Variants in MKKS observed in about 807,000 individuals in gnomAD.
MKKS encodes MKKS centrosomal shuttling protein.
MKKS carries 29 observed loss-of-function variants against 33.2 expected under a neutral mutation model. The ratio of observed to expected loss-of-function variants is 0.87; its 90% CI spans 0.65 to 1.19. The LOEUF is 1.19. MKKS is among the 50% of genes most tolerant of loss of function. MKKS has a pLI of 0.00. For missense variants in MKKS, 661 were observed against 662.3 expected, an observed-to-expected ratio of 1.00 and a Z score of 0.02; for synonymous variants, 260 against 244.0, an observed-to-expected ratio of 1.07 and a Z score of -0.61.
intron 1 of MKKS, among the ~76,000 whole-genome samples, chr20:10,422,522 T>A (rs1252507255): frequency 3.3e-5 from 5 of 152,138 alleles, no homozygotes; most frequent in Non-Finnish European, 5.9e-5. Flanking sequence ...TATTAAGGGC[T>A]ACTTACTTAT....
Position 10,412,804 on chromosome 20 carries a change from A to G in MKKS, c.711T>C (p.Thr237=), listed in dbSNP as rs1245094074. The G allele has an allele frequency of 6.2e-7, 1 of 1,614,226 alleles. No individual in the cohort carries two copies. Among genetic ancestry groups the G allele is most frequent in the East Asian group, 2.2e-5 (1 of 44,884 alleles). Residue 237 remains threonine (T), a synonymous_variant, in exon 3 of 6, where the codon ACT becomes ACC. Transcript: ENST00000347364. ...TACAAAAGAGTGCCACCTTGAGGGCAGTTGATTTTTTGATAGGTAATAGCC... is the reference window on the plus strand; with the variant it reads ...TACAAAAGAGTGCCACCTTGAGGGCGGTTGATTTTTTGATAGGTAATAGCC... ...LMRLLPIKKS[T]ALKVALFCTT... is the part of the protein sequence containing the mutation.
chr20:10,420,046 G>A (rs1382480723), intron 2 of MKKS, among the ~76,000 whole-genome samples: 3 of 152,014 alleles, frequency 2.0e-5, no homozygotes, highest in Admixed American at 6.6e-5. Flanking sequence ...TGGAATTATG[G>A]ATAAGGGACT....
At chr20:10,428,614 G>T (rs961734374) in intron 1 of MKKS, among the ~76,000 whole-genome samples, 5 of 152,164 alleles carry the variant, frequency 3.3e-5, no homozygotes, top group African/African-American at 1.2e-4. Flanking sequence ...TGAGGAAGGT[G>T]GATCACTTGA....
chr20:10,412,847 G>C lies in MKKS; in HGVS notation c.668C>G (p.Ser223Ter), dbSNP rs1463587370. 1 of 1,613,996 alleles carries C rather than the reference G, an allele frequency of 6.2e-7. No homozygotes were observed. Among genetic ancestry groups the C allele is most frequent in the Admixed American group, 1.7e-5 (1 of 60,008 alleles). Residue 223 changes from serine to a stop codon, truncating the protein, a stop_gained, in exon 3 of 6, where the codon TCA (serine) becomes TGA (stop). Coordinates refer to ENST00000347364, the MANE Select transcript of MKKS (RefSeq NM_170784.3). LOFTEE classifies it high-confidence loss of function. ...TVLPGILIEM[S>*]EVQLMRLLPI... Reference sequence around the variant, plus strand: ...TAATAGCCTCATTAATTGAACTTCTGACATTTCAATGAGTATCCCAGGTAA... The same window carrying C: ...TAATAGCCTCATTAATTGAACTTCTCACATTTCAATGAGTATCCCAGGTAA...
rs1029033782 is a variant in MKKS at position 10,404,402 on chromosome 20, C to T, written c.*845G>A. 1.3e-5 allele frequency: 2 copies of T among 151,284 alleles called. No individual in the cohort carries two copies. Among genetic ancestry groups the T allele is most frequent in the African/African-American group, 4.9e-5 (2 of 41,080 alleles). 9.4% of individuals were successfully genotyped at this position (151,284 alleles called of 1,614,324 possible). On this transcript the variant is annotated 3_prime_UTR_variant, in exon 6 of 6. Coordinates refer to ENST00000347364, the MANE Select transcript of MKKS (RefSeq NM_170784.3). ...CTGGAAACATTTTTGGTTGTCACAACAGGAGGGTGCTACTGGCATCTAGTG... is the reference window on the plus strand; with the variant it reads ...CTGGAAACATTTTTGGTTGTCACAATAGGAGGGTGCTACTGGCATCTAGTG...
rs1468876013 is a variant in MKKS at position 10,403,924 on chromosome 20, T to G, written c.*1323A>C. 1 of 152,230 alleles carries G rather than the reference T, an allele frequency of 6.6e-6. No individual in the cohort carries two copies. The highest frequency in any genetic ancestry group is 2.4e-5 in the African/African-American group (1 of 41,472). 9.4% of individuals were successfully genotyped at this position (152,230 alleles called of 1,614,324 possible). A position where few individuals can be genotyped will look rare whatever the true frequency, so the allele number is the denominator to read the frequency against. On this transcript the variant is annotated 3_prime_UTR_variant, in exon 6 of 6. Transcript: ENST00000347364. ...GCTAGTTTTTTCCTTTGGCTCAGAG[T>G]AAAAATTCTTTTTGATTACAAGAAT...
rs373411205 is a variant in MKKS, at chr20:10,422,962, C to T, written c.-648-2204G>A. On this transcript the variant is annotated intron_variant, in intron 1 of 5. Transcript: ENST00000347364. ...TCCTGACCTTGCGATCCGCTCGCCT[C>T]GGCCTCCCAAAGTGCTGGGATTACA... Among the ~76,000 whole-genome samples, 235 of 152,208 alleles carry T rather than the reference C, an allele frequency of 1.5e-3. 7 individuals are homozygous for T. The South Asian group carries it at 0.043, about 28-fold the overall frequency.
chr20:10,410,810 C>T (rs1489344971), intron 3 of MKKS, among the ~76,000 whole-genome samples: 1 of 152,064 alleles, frequency 6.6e-6, no homozygotes, highest in Non-Finnish European at 1.5e-5. Context: ...CTTCATCTAC[C>T]TAAAAGTTTA....
At chr20:10,433,212 G>C (rs1327031862) in intron 1 of MKKS, among the ~76,000 whole-genome samples, 1 of 152,226 alleles carries the variant, frequency 6.6e-6, no homozygotes, top group Admixed American at 6.5e-5. Flanking sequence ...CGCCACGTTG[G>C]CCTGGCTGGC....
intron 5 of MKKS, among the ~76,000 whole-genome samples, chr20:10,406,742 T>C (rs2064846613): frequency 6.8e-6 from 1 of 147,774 alleles, no homozygotes; most frequent in African/African-American, 2.5e-5. Context: ...TCTAAAAAAC[T>C]TTCTCTAGTT....
intron 2 of MKKS, among the ~76,000 whole-genome samples, chr20:10,416,323 G>A (rs2064938783): frequency 6.6e-6 from 1 of 151,662 alleles, no homozygotes; most frequent in South Asian, 2.1e-4. Context: ...ATGATTATAG[G>A]TATGAGGTAA....
chr20:10,429,886 G>A (rs6077784), intron 1 of MKKS, among the ~76,000 whole-genome samples: 72,737 of 151,976 alleles, frequency 0.48, 18,283 homozygotes, highest in Non-Finnish European at 0.56. Context: ...CTGACCTACT[G>A]AGTCAGAAAC....
rs533171103 is a variant in MKKS at position 10,414,265 on chromosome 20, C to CTTTTTT, written c.-417-340_-417-335dup. On this transcript the variant is annotated intron_variant, in intron 2 of 5. Transcript: ENST00000347364. ...AAAACAGAGAATTAGGTCTCTGAGTCTTTTTTTTTTTTTTTTTGAGATGGA... is the reference window on the plus strand; with the variant it reads ...AAAACAGAGAATTAGGTCTCTGAGTCTTTTTTTTTTTTTTTTTTTTTTTGAGATGGA... Among the ~76,000 whole-genome samples the CTTTTTT allele has an allele frequency of 1.7e-4, 22 of 132,348 alleles. 1 individual carries two copies. The highest frequency in any genetic ancestry group is 4.8e-4 in the African/African-American group (17 of 35,366). The allele number at this position is 132,348 out of a possible 152,430, so 86.8% of individuals were successfully genotyped here.
intron 1 of MKKS, among the ~76,000 whole-genome samples, chr20:10,423,625 G>A (rs111260343): frequency 2.2e-4 from 34 of 152,298 alleles, no homozygotes; most frequent in African/African-American, 7.5e-4. Context: ...TTTGAGAAGA[G>A]TGAAAATTAT....
rs6133909 is a variant in MKKS, at chr20:10,408,570, T to C, written c.1161+58A>G. ...TACGAAAAAAAAATCATAATAACTATTGAGTGACTAATTCCTCCCTCAGCC... is the reference window on the plus strand; with the variant it reads ...TACGAAAAAAAAATCATAATAACTACTGAGTGACTAATTCCTCCCTCAGCC... On this transcript the variant is annotated intron_variant, in intron 4 of 5. Transcript: ENST00000347364. 197,329 of 1,550,474 alleles carry C rather than the reference T, an allele frequency of 0.13. 14,052 individuals are homozygous for C. The highest frequency in any genetic ancestry group is 0.24 in the East Asian group (10,898 of 44,560).
chr20:10,405,807 T>G, intron 5 of MKKS, 120 bp from the exon 6 acceptor site: 4 of 1,057,432 alleles, frequency 3.8e-6, no homozygotes, highest in South Asian at 1.4e-5. Context: ...TTCATTTAAT[T>G]TGGGGTCTGG....
Position 10,427,889 on chromosome 20 carries a change from G to C in MKKS, c.-649+6219C>G, listed in dbSNP as rs1230113830. 2.0e-5 allele frequency among the ~76,000 whole-genome samples: 3 copies of C among 152,146 alleles called. No individual in the cohort carries two copies. In the East Asian group the frequency reaches 5.8e-4, roughly 29 times the overall value. ...CCACCTTCCCCACCAAACCATTCAAGGTCAGCTTGACCTATATCCAAGAGC... is the reference window on the plus strand; with the variant it reads ...CCACCTTCCCCACCAAACCATTCAACGTCAGCTTGACCTATATCCAAGAGC... On this transcript the variant is annotated intron_variant, in intron 1 of 5. Coordinates refer to ENST00000347364, the MANE Select transcript of MKKS (RefSeq NM_170784.3).
In MKKS at chr20:10,429,878, G is replaced by A. The variant is rs572692243; in HGVS notation, c.-649+4230C>T. 1.1e-4 allele frequency among the ~76,000 whole-genome samples: 17 copies of A among 152,248 alleles called. No individual in the cohort carries two copies. The East Asian group carries it at 3.1e-3, about 28-fold the overall frequency. On this transcript the variant is annotated intron_variant, in intron 1 of 5. Transcript: ENST00000347364. ...TGCAAATTATCAAGCTGCCCCTCCTGACCTACTGAGTCAGAAACTCTAGGG... is the reference window on the plus strand; with the variant it reads ...TGCAAATTATCAAGCTGCCCCTCCTAACCTACTGAGTCAGAAACTCTAGGG...
intron 1 of MKKS, among the ~76,000 whole-genome samples, chr20:10,423,480 T>C (rs189410396): frequency 2.0e-5 from 3 of 152,278 alleles, no homozygotes; most frequent in East Asian, 1.9e-4. Context: ...AATAATAAAA[T>C]TGAGATTTGT....
Sources: gnomAD v4.1 joint callset for allele counts (sites outside exome capture counted in the v4.1 genomes callset) on GRCh38, gnomAD v4.1.1 for gene constraint, MANE v1.5 for transcripts, NCBI Gene and HGNC (gene_info 2026-07-23, HGNC 2026-07-21) for gene names.